PCDH11X: variants seen among roughly 807,000 people sequenced by gnomAD.
The protein encoded by PCDH11X is protocadherin-11 X-linked.
PCDH11X carries 18 observed loss-of-function variants against 53.3 expected under a neutral mutation model. That is an observed-to-expected ratio of 0.34 (90% CI 0.23 to 0.50). The LOEUF is 0.50. Ranked by LOEUF, PCDH11X falls within the 20% of genes least tolerant of loss-of-function variation. PCDH11X has a pLI of 0.98. For missense variants in PCDH11X, 570 were observed against 1,032.4 expected, an observed-to-expected ratio of 0.55 and a Z score of 6.14; for synonymous variants, 279 against 393.3, an observed-to-expected ratio of 0.71 and a Z score of 3.44.
intron 6 of PCDH11X, among the ~76,000 whole-genome samples, chrX:92,000,548 C>T (rs978227521): frequency 1.1e-4 from 12 of 105,744 alleles, no homozygotes; most frequent in African/African-American, 4.1e-4. Context: ...TATCCATCCC[C>T]TCAAGCACTT....
chrX:92,147,668 A>G (rs2065289731), intron 6 of PCDH11X, among the ~76,000 whole-genome samples: 1 of 108,901 alleles, frequency 9.2e-6, no homozygotes. Flanking sequence ...GAGGGGAATT[A>G]CCAAGATTGC....
intron 10 of PCDH11X, among the ~76,000 whole-genome samples, chrX:92,481,284 T>TCACA (rs200803839): frequency 5.4e-5 from 5 of 92,535 alleles, no homozygotes; most frequent in East Asian, 3.2e-4. Flanking sequence ...AGGGCAGGGT[T>TCACA]CACACACACA....
At chrX:91,905,198 C>T (rs1242756729) in intron 6 of PCDH11X, among the ~76,000 whole-genome samples, 1 of 107,772 alleles carries the variant, frequency 9.3e-6, no homozygotes. Flanking sequence ...AGTGCAATCT[C>T]GGCTCACTGC....
At chrX:91,897,703 A>T (rs1383145341) in intron 6 of PCDH11X, among the ~76,000 whole-genome samples, 3 of 106,487 alleles carry the variant, frequency 2.8e-5, no homozygotes, top group Non-Finnish European at 3.9e-5. Flanking sequence ...ATTGTCAAAG[A>T]TATACAATGC....
chrX:92,245,861 A>C (rs1387360076), intron 7 of PCDH11X, among the ~76,000 whole-genome samples: 5 of 112,132 alleles, frequency 4.5e-5, no homozygotes, highest in African/African-American at 1.6e-4. Context: ...TCAATTGTAC[A>C]ATTTAATAGT....
chrX:92,273,349 C>T (rs1386463313), intron 8 of PCDH11X, among the ~76,000 whole-genome samples: 1 of 111,022 alleles, frequency 9.0e-6, no homozygotes, highest in Non-Finnish European at 1.9e-5. Flanking sequence ...GTTAATCACT[C>T]AGTTAAGGTG....
chrX:92,234,095 G>A (rs747115013), intron 7 of PCDH11X, among the ~76,000 whole-genome samples: 6 of 111,802 alleles, frequency 5.4e-5, no homozygotes, highest in Non-Finnish European at 9.4e-5. Flanking sequence ...TTTCTAAAAT[G>A]GGAAAGCACT....
At chrX:92,585,472 T>C (rs778200259) in intron 10 of PCDH11X, among the ~76,000 whole-genome samples, 154 of 106,328 alleles carry the variant, frequency 1.4e-3, no homozygotes, top group African/African-American at 4.6e-3. Context: ...CCCGGGTTCA[T>C]GCCATTCTCC....
chrX:92,305,537 C>G (rs2755304), intron 8 of PCDH11X, among the ~76,000 whole-genome samples: 1 of 110,877 alleles, frequency 9.0e-6, no homozygotes, highest in Admixed American at 9.7e-5. Context: ...TAGGACCCCA[C>G]CTTTATGATT....
chrX:91,978,310 T>G (rs1290192859), intron 6 of PCDH11X, among the ~76,000 whole-genome samples: 1 of 108,016 alleles, frequency 9.3e-6, no homozygotes, highest in Non-Finnish European at 1.9e-5. Flanking sequence ...AAATGCTTAT[T>G]CTTCTACTAA....
chrX:91,890,789 T>C (rs751908273), intron 6 of PCDH11X, among the ~76,000 whole-genome samples: 89 of 110,914 alleles, frequency 8.0e-4, no homozygotes, highest in African/African-American at 2.8e-3. Context: ...ACTTTATGGG[T>C]TTAATTTATG....
intron 6 of PCDH11X, chrX:91,883,580 T>C (rs1336235463): frequency 9.9e-5 from 66 of 669,865 alleles, no homozygotes; most frequent in African/African-American, 1.2e-4. Flanking sequence ...CCGAGGCGGG[T>C]GGATCACGAG....
chrX:91,968,191 G>GT (rs1371542254), intron 6 of PCDH11X, among the ~76,000 whole-genome samples: 3 of 110,923 alleles, frequency 2.7e-5, no homozygotes, highest in Non-Finnish European at 5.7e-5. Flanking sequence ...AACATAGTAG[G>GT]TTTTTTTTCT....
chrX:91,967,702 C>G (rs181628240), intron 6 of PCDH11X, among the ~76,000 whole-genome samples: 3 of 111,269 alleles, frequency 2.7e-5, no homozygotes, highest in East Asian at 5.7e-4. Flanking sequence ...AAAGGAAGAC[C>G]CCCCTAGCAA....
At chrX:92,085,385 T>C (rs185583534) in intron 6 of PCDH11X, among the ~76,000 whole-genome samples, 4 of 109,374 alleles carry the variant, frequency 3.7e-5, no homozygotes, top group Admixed American at 1.0e-4. Flanking sequence ...AAATTAACCT[T>C]TCATTGGGTC....
intron 6 of PCDH11X, chrX:92,114,112 T>C: frequency 8.5e-7 from 1 of 1,170,533 alleles, no homozygotes; most frequent in East Asian, 3.0e-5. Context: ...GACCACCTTC[T>C]GTATCTGCTG....
Position 92,310,204 on chromosome X carries a change from G to A in PCDH11X, c.3144+47061G>A, listed in dbSNP as rs6615359. ...CGTGTCCGGTATTCGCTCATGTTTT[G>A]CTTTTCTGTTCTGGTTGAAATGCAG... On this transcript the variant is annotated intron_variant, in intron 8 of 10. Coordinates refer to ENST00000682573, the MANE Select transcript of PCDH11X (RefSeq NM_032968.5). Among the ~76,000 whole-genome samples, 134 of 111,859 alleles carry A rather than the reference G, an allele frequency of 1.2e-3. 2 individuals carry two copies. In the East Asian group the frequency reaches 0.027, roughly 22 times the overall value.
intron 6 of PCDH11X, among the ~76,000 whole-genome samples, chrX:92,024,238 A>G (rs2062933073): frequency 9.0e-6 from 1 of 110,907 alleles, no homozygotes; most frequent in East Asian, 2.9e-4. Flanking sequence ...CTGTTTGCAG[A>G]CAACATGATT....
At chrX:92,278,067 A>T (rs944776870) in intron 8 of PCDH11X, among the ~76,000 whole-genome samples, 1 of 110,190 alleles carries the variant, frequency 9.1e-6, no homozygotes. Flanking sequence ...GGGTCCATGG[A>T]TAAAACGTGT....
Sources: gnomAD v4.1 joint callset for allele counts (sites outside exome capture counted in the v4.1 genomes callset) on GRCh38, gnomAD v4.1.1 for gene constraint, MANE v1.5 for transcripts, NCBI Gene and HGNC (gene_info 2026-07-23, HGNC 2026-07-21) for gene names.